The following CREB3L2 variants were observed in gnomAD, a reference collection of about 807,000 sequenced individuals.
CREB3L2 encodes cyclic AMP-responsive element-binding protein 3-like protein 2.
CREB3L2 carries 23 observed loss-of-function variants against 57.2 expected under a neutral mutation model. The observed-to-expected ratio is 0.40, with a 90% CI of 0.29 to 0.57. CREB3L2 has a LOEUF of 0.57. CREB3L2 is among the 20% of genes least tolerant of loss of function. The probability of loss-of-function intolerance (pLI) is 0.42; values close to 1 mark genes in which losing one functional copy is unlikely to be tolerated. For missense variants in CREB3L2, 628 were observed against 634.7 expected (o/e 0.99, Z 0.11); for synonymous variants, 268 against 265.1 (o/e 1.01, Z -0.11).
At chr7:137,968,739 C>T (rs769969715) in intron 1 of CREB3L2, among the ~76,000 whole-genome samples, 73 of 152,246 alleles carry the variant, frequency 4.8e-4, no homozygotes, top group Non-Finnish European at 9.9e-4. Context: ...ACAGCTGGAT[C>T]AGTCCCCAGT....
At chr7:137,936,099 G>A (rs987958724) in intron 1 of CREB3L2, among the ~76,000 whole-genome samples, 8 of 152,176 alleles carry the variant, frequency 5.3e-5, no homozygotes, top group East Asian at 1.9e-4. Context: ...CCTGTCTTCC[G>A]TACAGTACTC....
intron 1 of CREB3L2, among the ~76,000 whole-genome samples, chr7:137,937,917 A>C (rs1470065581): frequency 2.0e-5 from 3 of 152,066 alleles, no homozygotes; most frequent in African/African-American, 7.2e-5. Context: ...AGTATGTGAA[A>C]TAGATTAAGC....
intron 1 of CREB3L2, among the ~76,000 whole-genome samples, chr7:137,934,956 T>C (rs966232844): frequency 6.6e-6 from 1 of 152,218 alleles, no homozygotes; most frequent in African/African-American, 2.4e-5. Flanking sequence ...GATTCTGAAT[T>C]AAACATCCTG....
In CREB3L2 at chr7:137,945,835, C is replaced by T. The variant is rs564052083; in HGVS notation, c.103-17469G>A. Among the ~76,000 whole-genome samples, 7 of 152,316 alleles carry T rather than the reference C, an allele frequency of 4.6e-5. No individual in the cohort carries two copies. In the South Asian group the frequency reaches 1.2e-3, roughly 27 times the overall value. Reference sequence around the variant, plus strand: ...GGGTGGGCTCTGAAATGACTCCTAACAAATTGCCCTATCGAAACACTTTTT... The same window carrying T: ...GGGTGGGCTCTGAAATGACTCCTAATAAATTGCCCTATCGAAACACTTTTT... On this transcript the variant is annotated intron_variant, in intron 1 of 11. Coordinates refer to ENST00000330387, the MANE Select transcript of CREB3L2 (RefSeq NM_194071.4).
At chr7:137,887,089 T>C (rs914710878) in intron 8 of CREB3L2, among the ~76,000 whole-genome samples, 1 of 152,216 alleles carries the variant, frequency 6.6e-6, no homozygotes, top group Admixed American at 6.5e-5. Context: ...TGCTGTGATG[T>C]AACAATGTTA....
rs766418953 is a variant in CREB3L2, at chr7:137,905,864, A to T, written c.769-16T>A. 3 of 1,583,838 alleles carry T rather than the reference A, an allele frequency of 1.9e-6. No individual in the cohort carries two copies. On this transcript the variant is annotated splice_polypyrimidine_tract_variant and intron_variant, in intron 5 of 11. Transcript: ENST00000330387. ...CCTGCAGTTTCTGTGCAGACCAAGG[A>T]GCAGAAAAGGGTCAAAGAAAAAGAA...
intron 8 of CREB3L2, among the ~76,000 whole-genome samples, chr7:137,887,088 G>T (rs1434221665): frequency 6.6e-6 from 1 of 152,188 alleles, no homozygotes; most frequent in Non-Finnish European, 1.5e-5. Flanking sequence ...GTGCTGTGAT[G>T]TAACAATGTT....
chr7:137,983,501 G>T (rs910227363), intron 1 of CREB3L2, among the ~76,000 whole-genome samples: 1 of 152,118 alleles, frequency 6.6e-6, no homozygotes, highest in Non-Finnish European at 1.5e-5. Flanking sequence ...GTTGACTCAG[G>T]CTGTTCTTCT....
chr7:137,877,424 C>T lies in CREB3L2; in HGVS notation c.*3052G>A, dbSNP rs1247683897. ...TGAGCTAGACTCCAGAGTCCTCACA[C>T]TTCACAGAAATTCTTTCTTAAAACT... On this transcript the variant is annotated 3_prime_UTR_variant, in exon 12 of 12. Coordinates refer to ENST00000330387, the MANE Select transcript of CREB3L2 (RefSeq NM_194071.4). 2 of 227,240 alleles carry T rather than the reference C, an allele frequency of 8.8e-6. No homozygotes were observed. The highest frequency in any genetic ancestry group is 1.7e-5 in the Non-Finnish European group (2 of 114,352). The allele number at this position is 227,240 out of a possible 1,614,324, so 14.1% of individuals were successfully genotyped here.
chr7:137,920,251 A>C (rs1780674473), intron 2 of CREB3L2, among the ~76,000 whole-genome samples: 1 of 152,176 alleles, frequency 6.6e-6, no homozygotes, highest in South Asian at 2.1e-4. Flanking sequence ...TGAGCTTTTT[A>C]ATACAAGCGG....
At chr7:137,907,438 G>A (rs549532811) in intron 5 of CREB3L2, among the ~76,000 whole-genome samples, 1 of 152,202 alleles carries the variant, frequency 6.6e-6, no homozygotes, top group South Asian at 2.1e-4. Flanking sequence ...GAGTGGAAGG[G>A]TGAATTCCCT....
rs1041856642 is a variant in CREB3L2 at position 137,884,922 on chromosome 7, T to G, written c.1270+73A>C. On this transcript the variant is annotated intron_variant, in intron 10 of 11. Coordinates refer to ENST00000330387, the MANE Select transcript of CREB3L2 (RefSeq NM_194071.4). Reference sequence around the variant, plus strand: ...CATTGGACTTTCACAGAAGATTCCTTTTGGAAGACTGAGAAACCCAGCTCT... The same window carrying G: ...CATTGGACTTTCACAGAAGATTCCTGTTGGAAGACTGAGAAACCCAGCTCT... 6 of 1,573,360 alleles carry G rather than the reference T, an allele frequency of 3.8e-6. No individual in the cohort carries two copies. The Admixed American group carries it at 8.3e-5, about 22-fold the overall frequency.
At chr7:137,930,179 G>C (rs1032931020) in intron 1 of CREB3L2, among the ~76,000 whole-genome samples, 1 of 152,102 alleles carries the variant, frequency 6.6e-6, no homozygotes, top group Non-Finnish European at 1.5e-5. Flanking sequence ...TTACAGGCGT[G>C]AGCCACTGTG....
Position 137,927,808 on chromosome 7 carries a change from T to C in CREB3L2, c.319+342A>G, listed in dbSNP as rs560376557. On this transcript the variant is annotated intron_variant, in intron 2 of 11. Transcript: ENST00000330387. ...CTCAGAAAAAAAAAAAAAAATGGCATGACCCCTTGAAACAAGAGACTTACT... is the reference window on the plus strand; with the variant it reads ...CTCAGAAAAAAAAAAAAAAATGGCACGACCCCTTGAAACAAGAGACTTACT... Among the ~76,000 whole-genome samples the C allele has an allele frequency of 2.0e-5, 3 of 146,370 alleles. No homozygotes were observed. In the East Asian group the frequency reaches 6.0e-4, roughly 29 times the overall value.
At chr7:137,955,394 C>A in intron 1 of CREB3L2, 1 of 957,984 alleles carries the variant, frequency 1.0e-6, no homozygotes, top group Non-Finnish European at 1.5e-6. Context: ...AGTTCTTCAG[C>A]ACGGCCACCT....
At chr7:137,992,829 C>G (rs1218342877) in intron 1 of CREB3L2, among the ~76,000 whole-genome samples, 1 of 152,176 alleles carries the variant, frequency 6.6e-6, no homozygotes, top group Non-Finnish European at 1.5e-5. Context: ...CCATGAGGCC[C>G]TGCAGGTAAG....
intron 10 of CREB3L2, chr7:137,884,631 G>A (rs1489981447): frequency 5.4e-6 from 3 of 551,074 alleles, no homozygotes; most frequent in Non-Finnish European, 6.5e-6. Context: ...TCCACTCAGT[G>A]GAGGCAGAAA....
rs1348824672 is a variant in CREB3L2 at position 137,882,643 on chromosome 7, G to A, written c.1271-15C>T. 6 of 1,549,154 alleles carry A rather than the reference G, an allele frequency of 3.9e-6. No individual in the cohort carries two copies. The highest frequency in any genetic ancestry group is 1.4e-5 in the African/African-American group (1 of 73,274). ...TCTGGATCTCACTGAGGACAGAGCA[G>A]AATAATAAGGTGTTAGCAAAAGACC... On this transcript the variant is annotated splice_polypyrimidine_tract_variant and intron_variant, in intron 10 of 11. Transcript: ENST00000330387.
At chr7:137,983,764 G>A (rs1801749512) in intron 1 of CREB3L2, among the ~76,000 whole-genome samples, 1 of 152,156 alleles carries the variant, frequency 6.6e-6, no homozygotes, top group South Asian at 2.1e-4. Flanking sequence ...CGCCCTACTA[G>A]GCCTTCACTC....
Sources: allele counts gnomAD v4.1 joint callset (sites outside exome capture counted in the v4.1 genomes callset), GRCh38; gene constraint gnomAD v4.1.1; transcripts MANE v1.5; gene names NCBI Gene and HGNC (gene_info 2026-07-23, HGNC 2026-07-21).